Variants in COL21A1 observed in about 807,000 individuals in gnomAD.
COL21A1 encodes the protein collagen type XXI alpha 1 chain, also known as collagen alpha-1(XXI) chain.
Under a neutral mutation model 137.9 loss-of-function variants are expected in COL21A1, and 149 were observed. The ratio of observed to expected loss-of-function variants is 1.08; its 90% confidence interval spans 0.95 to 1.24. COL21A1 has a LOEUF of 1.24. Among genes scored for constraint, COL21A1 ranks in the 50% most tolerant of loss-of-function variants. The pLI, the probability that COL21A1 is intolerant of heterozygous loss-of-function variation, is 0.00. For synonymous variants in COL21A1, 456 were observed against 391.5 expected (o/e 1.16, Z -1.95); for missense variants, 1,167 against 1,158.4 (o/e 1.01, Z -0.11).
chr6:56,215,362 AC>A (rs1780417921), intron 1 of COL21A1, among the ~76,000 whole-genome samples: 1 of 151,904 alleles, frequency 6.6e-6, no homozygotes, highest in Non-Finnish European at 1.5e-5. Context: ...CTCTTTGGAC[AC>A]CCTTCTGACT....
chr6:56,372,712 T>TTTA (rs1356165889), intron 1 of COL21A1, among the ~76,000 whole-genome samples: 1 of 152,210 alleles, frequency 6.6e-6, no homozygotes, highest in Non-Finnish European at 1.5e-5. Context: ...TCATCTGGGC[T>TTTA]TTGTCTGTCT....
At position 56,126,312 on chromosome 6, in the gene COL21A1, A is replaced by G. The variant is rs1423423733; in HGVS notation, c.1543-163T>C. On this transcript the variant is annotated intron_variant, in intron 12 of 29. Coordinates refer to ENST00000244728, the MANE Select transcript of COL21A1 (RefSeq NM_030820.4). ...ATTATCTCTATGAAAAATTATCCCT[A>G]CTTTTCAGGGTTTCATTTATAATCA... 1.1e-5 allele frequency: 6 copies of G among 564,380 alleles called. 1 individual carries two copies. In the African/African-American group the frequency reaches 1.2e-4, roughly 11 times the overall value. 35.0% of individuals were successfully genotyped at this position (564,380 alleles called of 1,614,324 possible).
At chr6:56,102,518 C>T (rs1770549863) in intron 16 of COL21A1, among the ~76,000 whole-genome samples, 1 of 151,986 alleles carries the variant, frequency 6.6e-6, no homozygotes, top group Non-Finnish European at 1.5e-5. Context: ...GCATTTTTTC[C>T]CGTAAATGTC....
At chr6:56,060,590 A>G (rs1324173895) in intron 27 of COL21A1, 151 bp downstream of exon 27, 1 of 541,626 alleles carries the variant, frequency 1.8e-6, no homozygotes, top group Non-Finnish European at 3.2e-6. Flanking sequence ...AAATCTTTAT[A>G]AAAATACTCA....
chr6:56,156,741 C>G, intron 10 of COL21A1, 146 bp downstream of exon 10: 1 of 684,108 alleles, frequency 1.5e-6, no homozygotes, highest in Non-Finnish European at 2.6e-6. Flanking sequence ...TCCTTTCGTT[C>G]CAACAGAGTT....
intron 1 of COL21A1, among the ~76,000 whole-genome samples, chr6:56,228,505 AGAG>A (rs993322244): frequency 6.6e-6 from 1 of 151,446 alleles, no homozygotes; most frequent in African/African-American, 2.4e-5. Context: ...GCTAGAGGGT[AGAG>A]GAGAAGAAAT....
chr6:56,319,064 CCAGCAGCA>C lies in COL21A1; in HGVS notation c.-39+74899_-39+74906del, dbSNP rs144135063. Among the ~76,000 whole-genome samples the C allele has an allele frequency of 7.2e-3, 1,101 of 152,252 alleles. 10 individuals carry two copies. The highest frequency in any genetic ancestry group is 0.025 in the African/African-American group (1,028 of 41,566). On this transcript the variant is annotated intron_variant, in intron 1 of 28. Transcript: ENST00000370819. ...CTCAGTCTTCACCTCCCTTGACTTT[CCAGCAGCA>C]CTTGACACAGTTGATCGCACCCTTC...
At chr6:56,107,293 G>T (rs1345622717) in intron 16 of COL21A1, among the ~76,000 whole-genome samples, 2 of 151,758 alleles carry the variant, frequency 1.3e-5, no homozygotes, top group African/African-American at 4.8e-5. Flanking sequence ...ATAGACTTTT[G>T]AAACACATTA....
At chr6:56,118,673 C>A (rs1458900158) in intron 16 of COL21A1, among the ~76,000 whole-genome samples, 2 of 151,994 alleles carry the variant, frequency 1.3e-5, no homozygotes, top group Non-Finnish European at 2.9e-5. Flanking sequence ...ATGCAAAAAT[C>A]TTCAACAAAA....
intron 1 of COL21A1, among the ~76,000 whole-genome samples, chr6:56,302,681 C>T (rs1445995013): frequency 6.6e-6 from 1 of 151,974 alleles, no homozygotes; most frequent in Admixed American, 6.6e-5. Context: ...CTGTAGGTTG[C>T]CTGTTCACTC....
chr6:56,087,871 G>A (rs1196741122), intron 17 of COL21A1, among the ~76,000 whole-genome samples: 1 of 152,064 alleles, frequency 6.6e-6, no homozygotes, highest in African/African-American at 2.4e-5. Context: ...GAGATTCTTA[G>A]TGGCATCTGG....
intron 10 of COL21A1, among the ~76,000 whole-genome samples, chr6:56,153,776 T>TC (rs1775511080): frequency 6.6e-6 from 1 of 152,174 alleles, no homozygotes; most frequent in Non-Finnish European, 1.5e-5. Context: ...CTGGTTTTCC[T>TC]CCCATCTCAC....
At chr6:56,074,196 C>T in intron 20 of COL21A1, 36 bp downstream of exon 20, 1 of 1,490,836 alleles carries the variant, frequency 6.7e-7, no homozygotes, top group Non-Finnish European at 9.1e-7. Context: ...TGTGATTATA[C>T]AAAGTTCCCA....
chr6:56,156,769 C>T (rs1269960939), intron 10 of COL21A1, 118 bp downstream of exon 10: 2 of 814,882 alleles, frequency 2.5e-6, no homozygotes, highest in Non-Finnish European at 2.0e-6. Flanking sequence ...GTCTCTCCTT[C>T]CTATGGCAGC....
At chr6:56,097,284 T>A (rs1362867665) in intron 17 of COL21A1, among the ~76,000 whole-genome samples, 1 of 152,106 alleles carries the variant, frequency 6.6e-6, no homozygotes. Context: ...TAACTCCCAG[T>A]TTTTTACCCA....
rs1767389205 is a variant in COL21A1, at chr6:56,077,929, A to G, written c.1813-356T>C. The stretch of plus-strand genomic sequence containing the variant: ...CATGCAAGAAAATCTGTTAAATGAT[A>G]TAAGTTCTGATTTAGCGCAACAGTT... On this transcript the variant is annotated intron_variant, in intron 17 of 29. Transcript: ENST00000244728. 1.6e-5 allele frequency: 6 copies of G among 374,654 alleles called. 1 individual carries two copies. Among genetic ancestry groups the G allele is most frequent in the Middle Eastern group, 6.4e-4 (1 of 1,572 alleles). The allele number at this position is 374,654 out of a possible 1,614,324, so 23.2% of individuals were successfully genotyped here. A position where few individuals can be genotyped will look rare whatever the true frequency, so the allele number is the denominator to read the frequency against.
chr6:56,286,425 C>A (rs1034006149), intron 1 of COL21A1, among the ~76,000 whole-genome samples: 2 of 152,092 alleles, frequency 1.3e-5, no homozygotes. Context: ...ATACAAATAC[C>A]CATGCATACA....
chr6:56,283,662 T>C (rs759068319), intron 1 of COL21A1, among the ~76,000 whole-genome samples: 26 of 151,944 alleles, frequency 1.7e-4, no homozygotes, highest in Non-Finnish European at 3.1e-4. Flanking sequence ...AACAAGAAAA[T>C]GAGACCATTT....
At chr6:56,124,328 A>C in intron 14 of COL21A1, 36 bp from the exon 15 acceptor site, 1 of 1,565,078 alleles carries the variant, frequency 6.4e-7, no homozygotes, top group Non-Finnish European at 8.7e-7. Flanking sequence ...CACAATCTTT[A>C]CAATAATGTT....
Sources: allele counts gnomAD v4.1 joint callset (sites outside exome capture counted in the v4.1 genomes callset), GRCh38; gene constraint gnomAD v4.1.1; transcripts MANE v1.5; gene names NCBI Gene and HGNC (gene_info 2026-07-23, HGNC 2026-07-21).